The following PTPRD variants were observed in gnomAD, a reference collection of about 807,000 sequenced individuals.
The protein encoded by PTPRD is receptor-type tyrosine-protein phosphatase delta.
In PTPRD, 34 loss-of-function variants were observed where a neutral mutation model predicts 214.5. The ratio of observed to expected loss-of-function variants is 0.16; its 90% CI spans 0.12 to 0.21. PTPRD has a LOEUF of 0.21. PTPRD is among the 10% of genes least tolerant of loss of function. The probability of loss-of-function intolerance (pLI) is 1.00; values close to 1 mark genes in which losing one functional copy is unlikely to be tolerated. For missense variants in PTPRD, 2,545 were observed against 2,398.7 expected (o/e 1.06, Z -1.27); for synonymous variants, 1,128 against 845.7 (o/e 1.33, Z -5.79).
chr9:9,034,309 A>G (rs2099614880), intron 10 of PTPRD, among the ~76,000 whole-genome samples: 2 of 152,116 alleles, frequency 1.3e-5, no homozygotes, highest in East Asian at 1.9e-4. Flanking sequence ...TGCCACAAGT[A>G]ACCACTTGTT....
intron 9 of PTPRD, among the ~76,000 whole-genome samples, chr9:9,186,473 T>C (rs1365605054): frequency 3.3e-5 from 5 of 152,040 alleles, no homozygotes; most frequent in Admixed American, 1.3e-4. Context: ...TAGCTGGGCA[T>C]TGTGGCATGC....
intron 2 of PTPRD, among the ~76,000 whole-genome samples, chr9:10,546,271 T>A (rs1034379366): frequency 2.6e-5 from 4 of 152,068 alleles, no homozygotes; most frequent in African/African-American, 9.7e-5. Flanking sequence ...GTGGCTCATG[T>A]GTATATTAAA....
intron 8 of PTPRD, among the ~76,000 whole-genome samples, chr9:9,421,637 G>T (rs909326072): frequency 6.6e-6 from 1 of 152,094 alleles, no homozygotes; most frequent in East Asian, 1.9e-4. Flanking sequence ...TATTTTAATA[G>T]AGGTTTGTCA....
chr9:8,543,911 C>G (rs1054638695), intron 14 of PTPRD, among the ~76,000 whole-genome samples: 1 of 152,024 alleles, frequency 6.6e-6, no homozygotes, highest in African/African-American at 2.4e-5. Context: ...GGGGTTTCAC[C>G]ATATTGGCCA....
intron 14 of PTPRD, among the ~76,000 whole-genome samples, chr9:8,599,568 A>G (rs1161232120): frequency 1.4e-5 from 2 of 147,820 alleles, no homozygotes; most frequent in African/African-American, 4.9e-5. Flanking sequence ...GGAACGCAAG[A>G]TGGATGAGGG....
chr9:8,880,139 G>A (rs867066612), intron 11 of PTPRD, among the ~76,000 whole-genome samples: 33 of 152,112 alleles, frequency 2.2e-4, no homozygotes, highest in Middle Eastern at 6.8e-3. Flanking sequence ...AAGAAACAAA[G>A]GTGGCATTTT....
intron 7 of PTPRD, among the ~76,000 whole-genome samples, chr9:9,677,102 C>T (rs926219977): frequency 6.6e-6 from 1 of 152,020 alleles, no homozygotes; most frequent in African/African-American, 2.4e-5. Flanking sequence ...ATGGTAGTTT[C>T]TTTTGATGTG....
At chr9:8,325,216 G>GTTTTTTTTT (rs1436113097) in intron 44 of PTPRD, among the ~76,000 whole-genome samples, 3 of 148,842 alleles carry the variant, frequency 2.0e-5, no homozygotes, top group Non-Finnish European at 4.5e-5. Flanking sequence ...TCTTCTAGGG[G>GTTTTTTTTT]TTTTCATCAT....
At chr9:9,449,968 G>A (rs867483669) in intron 8 of PTPRD, among the ~76,000 whole-genome samples, 2 of 151,904 alleles carry the variant, frequency 1.3e-5, no homozygotes, top group Non-Finnish European at 1.5e-5. Context: ...CCACTTATAA[G>A]TGAGAATGAA....
chr9:9,924,620 T>A (rs886592430), intron 5 of PTPRD, among the ~76,000 whole-genome samples: 43 of 152,140 alleles, frequency 2.8e-4, no homozygotes, highest in African/African-American at 1.0e-3. Context: ...AGAAACTTTT[T>A]AAAAGAAACA....
At chr9:8,537,937 C>T (rs1010756617) in intron 14 of PTPRD, among the ~76,000 whole-genome samples, 6 of 151,872 alleles carry the variant, frequency 4.0e-5, no homozygotes, top group African/African-American at 7.3e-5. Context: ...TATTAGTGCT[C>T]GGCCTGAGCA....
intron 9 of PTPRD, among the ~76,000 whole-genome samples, chr9:9,343,325 C>A (rs1212797689): frequency 6.6e-6 from 1 of 152,102 alleles, no homozygotes; most frequent in Non-Finnish European, 1.5e-5. Context: ...CAATGGTTAA[C>A]TAATTTACAC....
intron 2 of PTPRD, among the ~76,000 whole-genome samples, chr9:10,452,543 C>A (rs764159913): frequency 1.4e-4 from 21 of 151,526 alleles, no homozygotes; most frequent in Admixed American, 3.3e-4. Context: ...TCTCATTGTA[C>A]TTTTGATATG....
intron 8 of PTPRD, among the ~76,000 whole-genome samples, chr9:9,447,623 A>G (rs1336662323): frequency 2.0e-5 from 3 of 152,010 alleles, no homozygotes; most frequent in Non-Finnish European, 2.9e-5. Flanking sequence ...CCAATGGCAA[A>G]TGTTTACCTG....
intron 12 of PTPRD, among the ~76,000 whole-genome samples, chr9:8,692,520 G>A (rs1192464256): frequency 6.6e-6 from 1 of 152,120 alleles, no homozygotes; most frequent in Admixed American, 6.5e-5. Context: ...TTGATTTAAT[G>A]ATGTGCTCTT....
chr9:8,752,695 A>G (rs1186387456), intron 11 of PTPRD, among the ~76,000 whole-genome samples: 3 of 152,118 alleles, frequency 2.0e-5, no homozygotes, highest in Admixed American at 6.6e-5. Context: ...TGGGGAGCAG[A>G]GATGAACTAG....
chr9:10,207,558 C>T (rs978411513), intron 3 of PTPRD, among the ~76,000 whole-genome samples: 3 of 151,932 alleles, frequency 2.0e-5, no homozygotes, highest in African/African-American at 7.2e-5. Context: ...TATTATGTAA[C>T]TAAATAGTAA....
chr9:10,161,920 G>T (rs555736007), intron 3 of PTPRD, among the ~76,000 whole-genome samples: 6 of 151,440 alleles, frequency 4.0e-5, no homozygotes, highest in Non-Finnish European at 7.4e-5. Flanking sequence ...ACATACAAAT[G>T]ACCAAAAGTA....
intron 10 of PTPRD, among the ~76,000 whole-genome samples, chr9:9,073,303 C>A (rs995246885): frequency 1.3e-5 from 2 of 152,126 alleles, no homozygotes; most frequent in African/African-American, 4.8e-5. Flanking sequence ...ATCAGATGAT[C>A]TGGCTTTCAA....
Sources: gnomAD v4.1 joint callset for allele counts (sites outside exome capture counted in the v4.1 genomes callset) on GRCh38, gnomAD v4.1.1 for gene constraint, MANE v1.5 for transcripts, NCBI Gene and HGNC (gene_info 2026-07-23, HGNC 2026-07-21) for gene names.